DCDC2C: variants seen among roughly 807,000 people sequenced by gnomAD.
DCDC2C encodes the protein doublecortin domain containing 2C.
In DCDC2C, 44 loss-of-function variants were observed where a neutral mutation model predicts 45.0. The observed-to-expected ratio is 0.98, with a 90% CI of 0.77 to 1.26. The LOEUF (loss-of-function observed/expected upper bound fraction) is 1.26. Among genes scored for constraint, DCDC2C ranks in the 50% most tolerant of loss-of-function variants. The pLI, the probability that DCDC2C is intolerant of heterozygous loss-of-function variation, is 0.00. For synonymous variants in DCDC2C, 187 were observed against 178.8 expected, an observed-to-expected ratio of 1.05 and a Z score of -0.37; for missense variants, 447 against 468.9, an observed-to-expected ratio of 0.95 and a Z score of 0.43.
At chr2:3,728,370 AAAT>A (rs770059169) in intron 3 of DCDC2C, among the ~76,000 whole-genome samples, 12 of 152,220 alleles carry the variant, frequency 7.9e-5, no homozygotes, top group Non-Finnish European at 1.2e-4. Context: ...AGCTGTTTTG[AAAT>A]AATAAGACAC....
At chr2:3,747,754 C>G (rs534468327) in intron 4 of DCDC2C, among the ~76,000 whole-genome samples, 17 of 152,206 alleles carry the variant, frequency 1.1e-4, no homozygotes, top group African/African-American at 3.4e-4. Flanking sequence ...GGGTTTCCAT[C>G]TAAGCCCTGA....
chr2:3,723,758 A>G (rs1234657159), intron 2 of DCDC2C, among the ~76,000 whole-genome samples: 1 of 152,158 alleles, frequency 6.6e-6, no homozygotes, highest in Admixed American at 6.5e-5. Flanking sequence ...GAGCTGACGG[A>G]TGCGCAGATG....
At chr2:3,784,814 C>T (rs1478900928) in intron 9 of DCDC2C, among the ~76,000 whole-genome samples, 1 of 151,862 alleles carries the variant, frequency 6.6e-6, no homozygotes, top group Non-Finnish European at 1.5e-5. Flanking sequence ...TAAGAATGAT[C>T]AAAAAGATGT....
intron 10 of DCDC2C, among the ~76,000 whole-genome samples, chr2:3,836,037 G>A (rs962630686): frequency 1.3e-5 from 2 of 152,128 alleles, no homozygotes; most frequent in South Asian, 2.1e-4. Context: ...AGCCACTGTG[G>A]CCAGCCAAAA....
chr2:3,752,686 G>T, intron 4 of DCDC2C, 77 bp from the exon 5 acceptor site: 1 of 1,487,826 alleles, frequency 6.7e-7, no homozygotes, highest in Non-Finnish European at 9.2e-7. Flanking sequence ...TCATGTCATA[G>T]TGTATGCACA....
intron 7 of DCDC2C, 121 bp from the exon 8 acceptor site, chr2:3,769,190 G>T: frequency 2.4e-6 from 2 of 845,322 alleles, no homozygotes; most frequent in Non-Finnish European, 3.7e-6. Flanking sequence ...CTGCAGACCA[G>T]GTGGCCTGCC....
At chr2:3,829,468 G>A (rs746587141) in intron 10 of DCDC2C, among the ~76,000 whole-genome samples, 13 of 152,076 alleles carry the variant, frequency 8.5e-5, no homozygotes, top group Non-Finnish European at 1.6e-4. Context: ...CCCTCGTGGA[G>A]AGTGGAGCAC....
chr2:3,776,140 G>GT (rs1315528890), intron 8 of DCDC2C, among the ~76,000 whole-genome samples: 2 of 152,222 alleles, frequency 1.3e-5, no homozygotes, highest in Non-Finnish European at 2.9e-5. Context: ...TCTCAGGACT[G>GT]TGTGTCATCA....
chr2:3,703,777 C>T lies in DCDC2C; in HGVS notation c.26C>T (p.Pro9Leu), dbSNP rs562454581. 1.9e-5 allele frequency: 24 copies of T among 1,236,348 alleles called. No individual in the cohort carries two copies. The African/African-American group carries it at 3.4e-4, about 18-fold the overall frequency. 76.6% of individuals were successfully genotyped at this position (1,236,348 alleles called of 1,614,324 possible). ...ATGGGAACCCGCGGGCCCTCCGCGC[C>T]GGTGGACACCACGCCCGCCAAGACC... is the stretch of plus-strand genomic sequence containing the variant. MGTRGPSA[P>L]VDTTPAKTIV... Residue 9 changes from proline (P) to leucine (L), a missense_variant, in exon 1 of 11, where the codon CCG becomes CTG. Coordinates refer to ENST00000399143, the MANE Select transcript of DCDC2C (RefSeq NM_001287444.2). This position sits in a 1 kb window ranked among gnomAD's most constrained non-coding sequence, Gnocchi z 4.4.
At chr2:3,839,298 T>G (rs1406985177) in intron 10 of DCDC2C, among the ~76,000 whole-genome samples, 1 of 152,262 alleles carries the variant, frequency 6.6e-6, no homozygotes, top group Non-Finnish European at 1.5e-5. Flanking sequence ...TTTCACAAAC[T>G]AATTATACCT....
chr2:3,748,155 G>A (rs1558576117), intron 4 of DCDC2C, among the ~76,000 whole-genome samples: 2 of 152,132 alleles, frequency 1.3e-5, no homozygotes, highest in Non-Finnish European at 2.9e-5. Flanking sequence ...GGTAGTGAGT[G>A]TGGTGGGAAT....
At chr2:3,835,313 T>C (rs563766901) in intron 10 of DCDC2C, among the ~76,000 whole-genome samples, 1 of 152,358 alleles carries the variant, frequency 6.6e-6, no homozygotes, top group Non-Finnish European at 1.5e-5. Context: ...AAAGCAATTT[T>C]TATTTATTGC....
intron 4 of DCDC2C, among the ~76,000 whole-genome samples, chr2:3,743,130 C>T (rs572036621): frequency 3.3e-5 from 5 of 152,236 alleles, no homozygotes; most frequent in South Asian, 4.1e-4. Flanking sequence ...ATTGACTTCA[C>T]GTGAAAAACT....
chr2:3,735,063 G>C lies in DCDC2C; in HGVS notation c.417-6857G>C, dbSNP rs188884698. On this transcript the variant is annotated intron_variant, in intron 3 of 10. Coordinates refer to ENST00000399143, the MANE Select transcript of DCDC2C (RefSeq NM_001287444.2). ...CAGGAAAGGAAAATGTTGAAGACTA[G>C]AAACTTGGTCTGTAGAGATTGCTTT... Among the ~76,000 whole-genome samples the C allele has an allele frequency of 2.1e-4, 32 of 152,200 alleles. No homozygotes were observed. The East Asian group carries it at 5.8e-3, about 28-fold the overall frequency.
chr2:3,759,440 C>T (rs575773334), intron 6 of DCDC2C, among the ~76,000 whole-genome samples: 3 of 152,224 alleles, frequency 2.0e-5, no homozygotes, highest in South Asian at 2.1e-4. Context: ...AAAATAGCTA[C>T]GTGTTTGCAG....
chr2:3,731,913 T>G (rs1668879642), intron 3 of DCDC2C, among the ~76,000 whole-genome samples: 1 of 152,152 alleles, frequency 6.6e-6, no homozygotes, highest in Admixed American at 6.5e-5. Flanking sequence ...ATGGGATGTT[T>G]CCTGTCAGGA....
At chr2:3,814,157 C>A (rs1420331350) in intron 10 of DCDC2C, among the ~76,000 whole-genome samples, 1 of 152,134 alleles carries the variant, frequency 6.6e-6, no homozygotes, top group Non-Finnish European at 1.5e-5. Flanking sequence ...TTTTGGTACT[C>A]CAGTCAATTG....
intron 2 of DCDC2C, among the ~76,000 whole-genome samples, chr2:3,714,165 G>T (rs1185250717): frequency 6.6e-6 from 1 of 152,160 alleles, no homozygotes; most frequent in African/African-American, 2.4e-5. Context: ...TTTGATTTAT[G>T]TAGAAATTTA....
chr2:3,739,205 A>G (rs1036973200), intron 3 of DCDC2C, among the ~76,000 whole-genome samples: 2 of 152,254 alleles, frequency 1.3e-5, no homozygotes, highest in African/African-American at 4.8e-5. Flanking sequence ...AAAATTCTCC[A>G]GTTATCCCAT....
Sources: gnomAD v4.1 joint callset for allele counts (sites outside exome capture counted in the v4.1 genomes callset) on GRCh38, gnomAD v4.1.1 for gene constraint, Gnocchi (gnomAD v3.1) non-coding constraint, MANE v1.5 for transcripts, NCBI Gene and HGNC (gene_info 2026-07-23, HGNC 2026-07-21) for gene names.